FGF10: variants seen among roughly 807,000 people sequenced by gnomAD.
FGF10 encodes the protein FGF-10.
Under a neutral mutation model 19.8 loss-of-function variants are expected in FGF10, and 2 were observed. That is an observed-to-expected ratio of 0.10 (90% CI 0.04 to 0.32). FGF10 has a LOEUF of 0.32. FGF10 is among the 10% of genes least tolerant of loss of function. FGF10 has a pLI of 1.00. For missense variants in FGF10, 191 were observed against 246.3 expected (o/e 0.78, Z 1.50); for synonymous variants, 112 against 94.0 (o/e 1.19, Z -1.10).
chr5:44,388,732 T>G lies in FGF10; in HGVS notation c.-50A>C. 6.3e-7 allele frequency: 1 copy of G among 1,594,092 alleles called. No homozygotes were observed. The highest frequency in any genetic ancestry group is 8.6e-7 in the Non-Finnish European group (1 of 1,163,104). On this transcript the variant is annotated 5_prime_UTR_variant, in exon 1 of 3. Coordinates refer to ENST00000264664, the MANE Select transcript of FGF10 (RefSeq NM_004465.2). Reference sequence around the variant, plus strand: ...AATTGTCTCATCAGAAGGAACATACTGGAAGGGTAAGACCCGATGCAAGGC... The same window carrying G: ...AATTGTCTCATCAGAAGGAACATACGGGAAGGGTAAGACCCGATGCAAGGC...
chr5:44,321,545 G>T (rs1221619599), intron 1 of FGF10, among the ~76,000 whole-genome samples: 1 of 152,148 alleles, frequency 6.6e-6, no homozygotes, highest in Non-Finnish European at 1.5e-5. Flanking sequence ...TGACTAAAAT[G>T]GCTTTCTGAT....
At chr5:44,362,667 C>T (rs1482672) in intron 1 of FGF10, among the ~76,000 whole-genome samples, 81,009 of 151,314 alleles carry the variant, frequency 0.54, 23,759 homozygotes, top group Non-Finnish European at 0.67. Flanking sequence ...TTGTTGTAAT[C>T]TTATCTGCCC....
At chr5:44,320,832 A>T (rs1740468970) in intron 1 of FGF10, among the ~76,000 whole-genome samples, 1 of 151,738 alleles carries the variant, frequency 6.6e-6, no homozygotes, top group African/African-American at 2.4e-5. Flanking sequence ...CTTCCATCTC[A>T]GTATCCCTAG....
chr5:44,372,179 AG>A (rs1741755810), intron 1 of FGF10, among the ~76,000 whole-genome samples: 1 of 152,140 alleles, frequency 6.6e-6, no homozygotes, highest in Admixed American at 6.6e-5. Flanking sequence ...GAAGCTCTCC[AG>A]GGGACAGCGT....
chr5:44,334,619 T>C (rs867463330), intron 1 of FGF10, among the ~76,000 whole-genome samples: 5 of 152,194 alleles, frequency 3.3e-5, no homozygotes, highest in Admixed American at 6.6e-5. Flanking sequence ...ATAAATGTCC[T>C]AATGGTTGAA....
At chr5:44,315,345 G>A (rs577835508) in intron 1 of FGF10, among the ~76,000 whole-genome samples, 1 of 152,242 alleles carries the variant, frequency 6.6e-6, no homozygotes, top group Non-Finnish European at 1.5e-5. Context: ...GGGAAGTTGA[G>A]AAGGAACATT....
rs897783478 is a variant in FGF10, at chr5:44,359,636, A to G, written c.325+28722T>C. On this transcript the variant is annotated intron_variant, in intron 1 of 2. Transcript: ENST00000264664. ...AAATCTTATTTTTCCTCATTATAAA[A>G]TGGTGATAATGCCACTTTCTTCAGT... Among the ~76,000 whole-genome samples, 5 of 151,494 alleles carry G rather than the reference A, an allele frequency of 3.3e-5. No homozygotes were observed. In the East Asian group the frequency reaches 9.7e-4, roughly 30 times the overall value.
At position 44,389,000 on chromosome 5, in the gene FGF10, G is replaced by A. The variant is rs181666219; in HGVS notation, c.-318C>T. 4.1e-6 allele frequency: 2 copies of A among 492,660 alleles called. No individual in the cohort carries two copies. Among genetic ancestry groups the A allele is most frequent in the East Asian group, 7.6e-5 (2 of 26,186 alleles). 30.5% of individuals were successfully genotyped at this position (492,660 alleles called of 1,614,324 possible). On this transcript the variant is annotated 5_prime_UTR_variant, in exon 1 of 3. Transcript: ENST00000264664. Reference sequence around the variant, plus strand: ...TCACCAGCGCTCTTCGCTCCCCCAGGAGTTACTTTGTTCTCTTCTTTACTC... The same window carrying A: ...TCACCAGCGCTCTTCGCTCCCCCAGAAGTTACTTTGTTCTCTTCTTTACTC...
At chr5:44,369,416 G>T (rs557659840) in intron 1 of FGF10, among the ~76,000 whole-genome samples, 1 of 152,028 alleles carries the variant, frequency 6.6e-6, no homozygotes. Flanking sequence ...TGAGGGCTAG[G>T]TTCCCGCCAA....
At chr5:44,377,439 G>A (rs141719616) in intron 1 of FGF10, among the ~76,000 whole-genome samples, 15 of 152,268 alleles carry the variant, frequency 9.9e-5, no homozygotes, top group Non-Finnish European at 7.4e-5. Flanking sequence ...ATGCTGTCTC[G>A]AAACTGTAAG....
intron 1 of FGF10, among the ~76,000 whole-genome samples, chr5:44,355,540 T>C (rs916498060): frequency 6.6e-6 from 1 of 151,092 alleles, no homozygotes; most frequent in African/African-American, 2.4e-5. Flanking sequence ...AATGGTACCA[T>C]TTACTAAGAA....
chr5:44,342,531 C>T (rs1740993580), intron 1 of FGF10, among the ~76,000 whole-genome samples: 1 of 149,950 alleles, frequency 6.7e-6, no homozygotes, highest in South Asian at 2.1e-4. Flanking sequence ...AAAAACTAAC[C>T]AGAATTCATT....
intron 1 of FGF10, among the ~76,000 whole-genome samples, chr5:44,325,047 C>T (rs1740578424): frequency 6.6e-6 from 1 of 151,970 alleles, no homozygotes; most frequent in Non-Finnish European, 1.5e-5. Context: ...TCCAAATAGA[C>T]ATCAAATTTA....
intron 1 of FGF10, among the ~76,000 whole-genome samples, chr5:44,370,541 C>T (rs565492757): frequency 6.6e-6 from 1 of 152,136 alleles, no homozygotes; most frequent in Non-Finnish European, 1.5e-5. Flanking sequence ...CATCTCTCTT[C>T]TCAAATTACT....
At chr5:44,369,782 T>A (rs1188727077) in intron 1 of FGF10, among the ~76,000 whole-genome samples, 2 of 152,238 alleles carry the variant, frequency 1.3e-5, no homozygotes, top group South Asian at 2.1e-4. Context: ...AATTACCCCC[T>A]TTTTATAGAA....
chr5:44,325,817 CAT>C (rs1426104962), intron 1 of FGF10, among the ~76,000 whole-genome samples: 1 of 152,038 alleles, frequency 6.6e-6, no homozygotes, highest in African/African-American at 2.4e-5. Flanking sequence ...CACATGTATA[CAT>C]ATGTTACAAA....
intron 1 of FGF10, among the ~76,000 whole-genome samples, chr5:44,375,231 G>A (rs1021802980): frequency 5.9e-5 from 9 of 152,122 alleles, no homozygotes; most frequent in Non-Finnish European, 1.3e-4. Flanking sequence ...CTCTCAACAA[G>A]TTTTCTGTTT....
At chr5:44,353,863 T>C (rs1376584025) in intron 1 of FGF10, among the ~76,000 whole-genome samples, 1 of 151,464 alleles carries the variant, frequency 6.6e-6, no homozygotes, top group South Asian at 2.1e-4. Context: ...GTAGTTCCGG[T>C]TTATCCAGCC....
chr5:44,335,855 T>C (rs902049006), intron 1 of FGF10, among the ~76,000 whole-genome samples: 4 of 152,090 alleles, frequency 2.6e-5, no homozygotes, highest in East Asian at 1.9e-4. Context: ...ATTCATATTA[T>C]TGAATATTTA....
Sources: allele counts gnomAD v4.1 joint callset (sites outside exome capture counted in the v4.1 genomes callset), GRCh38; gene constraint gnomAD v4.1.1; transcripts MANE v1.5; gene names NCBI Gene and HGNC (gene_info 2026-07-23, HGNC 2026-07-21).